Variants in FGL1 observed in about 807,000 individuals in gnomAD.
FGL1 encodes the protein fibrinogen like 1.
A neutral mutation model predicts 43.7 loss-of-function variants in FGL1; 59 were observed. The ratio of observed to expected loss-of-function variants is 1.35; its 90% confidence interval spans 1.10 to 1.68. The LOEUF (loss-of-function observed/expected upper bound fraction) is 1.68, where lower values mean the gene tolerates loss of function less well. Among genes scored for constraint, FGL1 ranks in the 40% most tolerant of loss-of-function variants. The pLI, the probability that FGL1 is intolerant of heterozygous loss-of-function variation, is 0.00. For synonymous variants in FGL1, 192 were observed against 126.5 expected (o/e 1.52, Z -3.48); for missense variants, 596 against 373.0 (o/e 1.60, Z -4.92).
chr8:17,892,489 T>G (rs936560553), intron 1 of FGL1, among the ~76,000 whole-genome samples: 1 of 152,096 alleles, frequency 6.6e-6, no homozygotes, highest in East Asian at 1.9e-4. Context: ...ATTGTTTGCC[T>G]AAAGAAATAA....
At chr8:17,892,741 C>A (rs1666728281) in intron 1 of FGL1, among the ~76,000 whole-genome samples, 1 of 152,118 alleles carries the variant, frequency 6.6e-6, no homozygotes, top group Admixed American at 6.6e-5. Context: ...TTAATCCGCT[C>A]CCAGATAATA....
intron 1 of FGL1, among the ~76,000 whole-genome samples, chr8:17,890,422 A>G (rs2053687734): frequency 6.6e-6 from 1 of 152,056 alleles, no homozygotes; most frequent in South Asian, 2.1e-4. Context: ...CCTCTTTGGC[A>G]TTTTTGGAAA....
chr8:17,885,634 C>T, intron 1 of FGL1, 63 bp from the exon 2 acceptor site: 2 of 1,393,810 alleles, frequency 1.4e-6, no homozygotes, highest in South Asian at 2.4e-5. Flanking sequence ...GACCAGAGTT[C>T]AGACTTCAGT....
At chr8:17,894,477 C>CT (rs1316212272) in intron 1 of FGL1, among the ~76,000 whole-genome samples, 1 of 147,046 alleles carries the variant, frequency 6.8e-6, no homozygotes, top group East Asian at 1.9e-4. Context: ...CACTGAAAGC[C>CT]TTACAAAGCT....
At chr8:17,869,279 A>G (rs1376719174) in intron 5 of FGL1, among the ~76,000 whole-genome samples, 1 of 150,938 alleles carries the variant, frequency 6.6e-6, no homozygotes, top group Non-Finnish European at 1.5e-5. Context: ...CTGAATAATG[A>G]ACAACAGAAA....
chr8:17,880,740 C>A lies in FGL1; in HGVS notation c.244+1259G>T, dbSNP rs35337612. Among the ~76,000 whole-genome samples the A allele has an allele frequency of 1.2e-3, 176 of 152,266 alleles. 1 individual carries two copies. The highest frequency in any genetic ancestry group is 4.0e-3 in the African/African-American group (165 of 41,556). On this transcript the variant is annotated intron_variant, in intron 3 of 7. Coordinates refer to ENST00000427924, the MANE Select transcript of FGL1 (RefSeq NM_004467.4). ...CATATGGACAAAGTGCTTTCGCTAG[C>A]ATTCTTTTTGTTTCTGACAATCGTC...
rs897825603 is a variant in FGL1, at chr8:17,864,727, A to G, written c.804T>C (p.Gly268=). 1 of 1,570,394 alleles carries G rather than the reference A, an allele frequency of 6.4e-7. No homozygotes were observed. Among genetic ancestry groups the G allele is most frequent in the Non-Finnish European group, 8.6e-7 (1 of 1,162,408 alleles). Residue 268 remains glycine, a synonymous_variant, in exon 8 of 8, where the codon GGT becomes GGC. Coordinates refer to ENST00000427924, the MANE Select transcript of FGL1 (RefSeq NM_004467.4). The part of the protein sequence containing the change: ...FNRCHSANLN[G]VYYSGPYTAK... The stretch of plus-strand genomic sequence containing the variant: ...CCGTGTAGGGGCCGCTGTAGTATAC[A>G]CCATTCAGGTTTGCAGAGTGACACC...
chr8:17,876,620 T>C (rs957522558), intron 3 of FGL1, among the ~76,000 whole-genome samples: 2 of 152,224 alleles, frequency 1.3e-5, no homozygotes, highest in African/African-American at 4.8e-5. Flanking sequence ...GTTTACATCT[T>C]GTAGTCAAGT....
In FGL1 at chr8:17,864,713, C is replaced by T. The variant is rs756050916; in HGVS notation, c.818G>A (p.Gly273Asp). 5 of 1,612,192 alleles carry T rather than the reference C, an allele frequency of 3.1e-6. No homozygotes were observed. Among genetic ancestry groups the T allele is most frequent in the Non-Finnish European group, 4.2e-6 (5 of 1,179,460 alleles). Residue 273 changes from glycine (G) to aspartate (D), a missense_variant, in exon 8 of 8, where the codon GGC (glycine) becomes GAC (aspartate). By Grantham distance (94) the Gly-to-Asp change is moderately conservative. Transcript: ENST00000427924. The stretch of plus-strand genomic sequence containing the variant: ...ATTGTCTGTTTTAGCCGTGTAGGGG[C>T]CGCTGTAGTATACACCATTCAGGTT... ...SANLNGVYYS[G>D]PYTAKTDNGI...
At chr8:17,891,694 G>T in intron 1 of FGL1, 2 of 985,146 alleles carry the variant, frequency 2.0e-6, no homozygotes, top group Non-Finnish European at 2.4e-6. Context: ...AATTAGAATT[G>T]TAGAACTTCC....
intron 5 of FGL1, among the ~76,000 whole-genome samples, chr8:17,872,815 T>A (rs2053384667): frequency 6.6e-6 from 1 of 152,128 alleles, no homozygotes; most frequent in African/African-American, 2.4e-5. Flanking sequence ...TAGACAAATA[T>A]TAAACTCTAA....
chr8:17,881,013 A>G lies in FGL1; in HGVS notation c.244+986T>C, dbSNP rs1195515216. ...TTTCTGCTCCTTTATTTTTTACCTT[A>G]TTTGCCACCCTAATGCACATTAGGA... On this transcript the variant is annotated intron_variant, in intron 3 of 7. Coordinates refer to ENST00000427924, the MANE Select transcript of FGL1 (RefSeq NM_004467.4). 2.0e-5 allele frequency among the ~76,000 whole-genome samples: 3 copies of G among 151,966 alleles called. No individual in the cohort carries two copies. In the East Asian group the frequency reaches 5.8e-4, roughly 29 times the overall value.
intron 3 of FGL1, among the ~76,000 whole-genome samples, chr8:17,878,145 T>A (rs1336041007): frequency 6.6e-6 from 1 of 151,732 alleles, no homozygotes; most frequent in African/African-American, 2.4e-5. Context: ...AGTGTTAGAG[T>A]CTCACTATGT....
chr8:17,894,445 A>G (rs1177845295), intron 1 of FGL1, among the ~76,000 whole-genome samples: 4 of 147,132 alleles, frequency 2.7e-5, no homozygotes, highest in African/African-American at 1.1e-4. Context: ...GTGCTTTTGT[A>G]TTTTTCTTAA....
At chr8:17,871,214 G>C (rs1041282423) in intron 5 of FGL1, among the ~76,000 whole-genome samples, 1 of 151,990 alleles carries the variant, frequency 6.6e-6, no homozygotes, top group East Asian at 1.9e-4. Flanking sequence ...TATTACAGAC[G>C]AGATGCGGTG....
chr8:17,881,833 C>CAAA (rs796756857), intron 3 of FGL1, among the ~76,000 whole-genome samples, 166 bp downstream of exon 3: 10 of 103,354 alleles, frequency 9.7e-5, no homozygotes, highest in African/African-American at 2.7e-4. Flanking sequence ...GACTCCGCCT[C>CAAA]AAAAAAAAAA....
At chr8:17,875,539 T>TTCTTTCTTTCTTTCTCTCTCTC (rs2053438645) in intron 3 of FGL1, among the ~76,000 whole-genome samples, 1 of 14,658 alleles carries the variant, frequency 6.8e-5, no homozygotes, top group Non-Finnish European at 1.9e-4. Context: ...TTCTTTCTCT[T>TTCTTTCTTTCTTTCTCTCTCTC]TCTTTCTTTC....
At chr8:17,880,661 C>A (rs922825733) in intron 3 of FGL1, among the ~76,000 whole-genome samples, 1 of 152,100 alleles carries the variant, frequency 6.6e-6, no homozygotes, top group Non-Finnish European at 1.5e-5. Context: ...GTTAATTGAC[C>A]TCAATAGACT....
At chr8:17,864,877 G>T in intron 7 of FGL1, 126 bp from the exon 8 acceptor site, 1 of 751,778 alleles carries the variant, frequency 1.3e-6, no homozygotes, top group Non-Finnish European at 1.9e-6. Context: ...TTTCAGACAA[G>T]TAAATATTTA....
Sources: allele counts gnomAD v4.1 joint callset (sites outside exome capture counted in the v4.1 genomes callset), GRCh38; gene constraint gnomAD v4.1.1; transcripts MANE v1.5; gene names NCBI Gene and HGNC (gene_info 2026-07-23, HGNC 2026-07-21).